Variants in SUGP2 observed in about 807,000 individuals in gnomAD.
SUGP2 encodes SURP and G-patch domain containing 2, also known as SURP and G-patch domain-containing protein 2.
Under a neutral mutation model 90.5 loss-of-function variants are expected in SUGP2, and 24 were observed. The observed-to-expected ratio is 0.27, with a 90% CI of 0.19 to 0.37. The LOEUF (loss-of-function observed/expected upper bound fraction) is 0.37, where lower values mean the gene tolerates loss of function less well. Among genes scored for constraint, SUGP2 ranks in the 10% least tolerant of loss-of-function variants. SUGP2 has a pLI of 1.00. For missense variants in SUGP2, 1,233 were observed against 1,363.3 expected, an observed-to-expected ratio of 0.90 and a Z score of 1.51; for synonymous variants, 473 against 513.4, an observed-to-expected ratio of 0.92 and a Z score of 1.06.
intron 6 of SUGP2, among the ~76,000 whole-genome samples, chr19:19,007,755 C>CTTTTTTTTTTTTTTTTTTTTTTT (rs34670209): frequency 8.8e-6 from 1 of 113,434 alleles, no homozygotes; most frequent in Non-Finnish European, 1.8e-5. Context: ...TGCACCTAGC[C>CTTTTTTTTTTTTTTTTTTTTTTT]TTTTTTTTTT....
At chr19:19,029,434 A>AT (rs1048905180) in intron 2 of SUGP2, among the ~76,000 whole-genome samples, 2 of 125,378 alleles carry the variant, frequency 1.6e-5, no homozygotes, top group Non-Finnish European at 3.3e-5. Flanking sequence ...GCGCCCGGCC[A>AT]TTTTTTTTCT....
Position 18,991,255 on chromosome 19 carries a change from C to A in SUGP2, c.*2486G>T, listed in dbSNP as rs1244737890. ...CGGCCTCTGCAGAGAGCAAGGACAG[C>A]CTCGGTTAAGAGGGAGGGGCTGGGG... On this transcript the variant is annotated 3_prime_UTR_variant, in exon 11 of 11. Coordinates refer to ENST00000452918, the MANE Select transcript of SUGP2 (RefSeq NM_001017392.5). 2.6e-5 allele frequency: 4 copies of A among 152,290 alleles called. No individual in the cohort carries two copies. Among genetic ancestry groups the A allele is most frequent in the Non-Finnish European group, 4.4e-5 (3 of 68,106 alleles). 9.4% of individuals were successfully genotyped at this position (152,290 alleles called of 1,614,324 possible). A position where few individuals can be genotyped will look rare whatever the true frequency, so the allele number is the denominator to read the frequency against.
At position 19,019,247 on chromosome 19, in the gene SUGP2, G is replaced by A. The variant is rs116962777; in HGVS notation, c.1730-18C>T. The A allele has an allele frequency of 0.015, 24,369 of 1,602,460 alleles. 246 individuals carry two copies. The highest frequency in any genetic ancestry group is 0.018 in the Non-Finnish European group (20,905 of 1,170,894). On this transcript the variant is annotated intron_variant, in intron 3 of 10. Transcript: ENST00000452918. ...GGGGACAGCTGGAACACACAGAACA[G>A]CTTCTCTGAGAAATATGCTGAATGT...
At position 19,023,191 on chromosome 19, in the gene SUGP2, A is replaced by G. The variant is rs149982783; in HGVS notation, c.1729+1428T>C. Reference sequence around the variant, plus strand: ...GTGAGTAGGGCGAAAAGGTGTATCCACTATGTGGAATGACCTGGCTGTTCC... The same window carrying G: ...GTGAGTAGGGCGAAAAGGTGTATCCGCTATGTGGAATGACCTGGCTGTTCC... On this transcript the variant is annotated intron_variant, in intron 3 of 10. Coordinates refer to ENST00000452918, the MANE Select transcript of SUGP2 (RefSeq NM_001017392.5). 2.5e-3 allele frequency among the ~76,000 whole-genome samples: 384 copies of G among 152,248 alleles called. 1 individual carries two copies. Among genetic ancestry groups the G allele is most frequent in the Middle Eastern group, 0.014 (4 of 294 alleles).
At chr19:18,995,121 A>AC (rs2057522847) in intron 9 of SUGP2, 23 bp downstream of exon 9, 1 of 1,279,700 alleles carries the variant, frequency 7.8e-7, no homozygotes, top group Non-Finnish European at 1.1e-6. Flanking sequence ...ACCCACTCCC[A>AC]CCCCAGGCTG....
At position 19,024,969 on chromosome 19, in the gene SUGP2, C is replaced by A; in HGVS notation, c.1379G>T (p.Ser460Ile). ...YELSVKMKTL[S>I]NPLDLALALE... is the part of the protein sequence containing the mutation. ...GGCAAGAGCCAAGTCCAGGGGGTTA[C>A]TGAGGGTCTTCATCTTGACACTTAG... Residue 460 changes from serine to isoleucine, a missense_variant, in exon 3 of 11, where the codon AGT becomes ATT. Ser to Ile is a moderately radical substitution (Grantham distance 142). Around this residue, in one of 8 missense-constraint regions of SUGP2, gnomAD observed 59 missense variants for 92.6 expected, o/e 0.64. Coordinates refer to ENST00000452918, the MANE Select transcript of SUGP2 (RefSeq NM_001017392.5). 6.2e-7 allele frequency: 1 copy of A among 1,614,188 alleles called. No individual in the cohort carries two copies. Among genetic ancestry groups the A allele is most frequent in the Non-Finnish European group, 8.5e-7 (1 of 1,180,026 alleles).
chr19:19,030,742 C>T lies in SUGP2; in HGVS notation c.121+209G>A, dbSNP rs117628763. On this transcript the variant is annotated intron_variant, in intron 2 of 10. Coordinates refer to ENST00000452918, the MANE Select transcript of SUGP2 (RefSeq NM_001017392.5). ...TCAAGGGTGCAGTGAGCTAAAACTG[C>T]GCCACTGCACTTCAGCCTGGGGGAG... Among the ~76,000 whole-genome samples the T allele has an allele frequency of 1.3e-3, 201 of 152,132 alleles. 2 individuals are homozygous for T. In the East Asian group the frequency reaches 0.034, roughly 26 times the overall value.
chr19:19,032,567 C>A (rs1379028054), intron 1 of SUGP2, among the ~76,000 whole-genome samples: 1 of 152,076 alleles, frequency 6.6e-6, no homozygotes, highest in African/African-American at 2.4e-5. Flanking sequence ...GACCCCCAAC[C>A]AATGACAATG....
chr19:19,001,523 A>G (rs2057832766), intron 8 of SUGP2, 90 bp downstream of exon 8: 16 of 1,313,526 alleles, frequency 1.2e-5, no homozygotes, highest in Non-Finnish European at 1.6e-5. Flanking sequence ...ATGTTAGCAC[A>G]GCTTAATCAC....
intron 4 of SUGP2, among the ~76,000 whole-genome samples, chr19:19,015,156 C>T (rs1474156487): frequency 6.6e-6 from 1 of 151,754 alleles, no homozygotes; most frequent in Non-Finnish European, 1.5e-5. Context: ...GAGCCAAGAT[C>T]CCGCCACTGC....
chr19:19,020,318 G>A (rs993458391), intron 3 of SUGP2, among the ~76,000 whole-genome samples: 5 of 151,430 alleles, frequency 3.3e-5, no homozygotes, highest in African/African-American at 1.2e-4. Context: ...TGTAGTCCCA[G>A]CTACTTGGGA....
intron 8 of SUGP2, among the ~76,000 whole-genome samples, chr19:18,996,149 C>A (rs2057572926): frequency 6.6e-6 from 1 of 152,266 alleles, no homozygotes; most frequent in African/African-American, 2.4e-5. Flanking sequence ...GTAATCTCAG[C>A]AGTTTGGGAG....
chr19:19,026,378 C>G, intron 2 of SUGP2, 152 bp from the exon 3 acceptor site: 1 of 727,466 alleles, frequency 1.4e-6, no homozygotes, highest in Non-Finnish European at 2.1e-6. Context: ...TATTTGCTGC[C>G]AACATTTAAA....
rs562265526 is a variant in SUGP2, at chr19:19,002,484, G to T, written c.2930-810C>A. On this transcript the variant is annotated intron_variant, in intron 7 of 10. Coordinates refer to ENST00000452918, the MANE Select transcript of SUGP2 (RefSeq NM_001017392.5). The stretch of plus-strand genomic sequence containing the variant: ...CATATCATTTTATTCTATTTTTTAT[G>T]AAAGGGAGATTAGCAAGTCTGTTTT... Among the ~76,000 whole-genome samples the T allele has an allele frequency of 7.1e-5, 10 of 141,824 alleles. No homozygotes were observed. The South Asian group carries it at 2.3e-3, about 33-fold the overall frequency. The allele number at this position is 141,824 out of a possible 152,430, so 93.0% of individuals were successfully genotyped here.
Position 19,024,983 on chromosome 19 carries a change from C to T in SUGP2, c.1365G>A (p.Lys455=), listed in dbSNP as rs1393896426. 1 of 1,614,024 alleles carries T rather than the reference C, an allele frequency of 6.2e-7. No individual in the cohort carries two copies. Residue 455 remains lysine (K), a synonymous_variant, in exon 3 of 11, where the codon AAG becomes AAA. Transcript: ENST00000452918. ...CCAGGGGGTTACTGAGGGTCTTCAT[C>T]TTGACACTTAGCTCGTAGGCATTGC... ...MACNAYELSV[K]MKTLSNPLDL...
At chr19:19,033,799 G>A (rs1323250576), upstream of SUGP2, 5 of 248,276 alleles carry the variant, frequency 2.0e-5, no homozygotes, top group South Asian at 6.1e-4. Flanking sequence ...GTGAGCGTCC[G>A]CGAGTCTCTG....
chr19:19,019,728 G>A (rs1317210216), intron 3 of SUGP2, among the ~76,000 whole-genome samples: 8 of 145,530 alleles, frequency 5.5e-5, no homozygotes, highest in African/African-American at 2.0e-4. Context: ...ATAGGGGGTA[G>A]AATTATCAGG....
rs192609718 is a variant in SUGP2 at position 18,992,113 on chromosome 19, C to G, written c.*1628G>C. ...GTTGCCAGGCTGGAGTGCGGTGGCA[C>G]AATCTCGGCTCACTGCAACCTCCGC... On this transcript the variant is annotated 3_prime_UTR_variant, in exon 11 of 11. Coordinates refer to ENST00000452918, the MANE Select transcript of SUGP2 (RefSeq NM_001017392.5). The G allele has an allele frequency of 1.7e-3, 262 of 151,340 alleles. No homozygotes were observed. The highest frequency in any genetic ancestry group is 2.6e-3 in the Admixed American group (39 of 15,194). 9.4% of individuals were successfully genotyped at this position (151,340 alleles called of 1,614,324 possible).
intron 5 of SUGP2, 76 bp from the exon 6 acceptor site, chr19:19,008,504 G>A (rs2058175497): frequency 8.4e-7 from 1 of 1,195,840 alleles, no homozygotes; most frequent in Non-Finnish European, 1.2e-6. Context: ...GGGTTGTGGA[G>A]GCTGATTATA....
Sources: allele counts gnomAD v4.1 joint callset (sites outside exome capture counted in the v4.1 genomes callset), GRCh38; gene constraint gnomAD v4.1.1; regional missense constraint gnomAD v4.1.1; transcripts MANE v1.5; gene names NCBI Gene and HGNC (gene_info 2026-07-23, HGNC 2026-07-21).